Variants in GIGYF2 observed in about 807,000 individuals in gnomAD.
The protein encoded by GIGYF2 is GRB10 interacting GYF protein 2, also known as GRB10-interacting GYF protein 2.
A neutral mutation model predicts 208.1 loss-of-function variants in GIGYF2; 25 were observed. The ratio of observed to expected loss-of-function variants is 0.12; its 90% CI spans 0.09 to 0.17. The LOEUF is 0.17. Ranked by LOEUF, GIGYF2 falls within the 10% of genes least tolerant of loss-of-function variation. The probability of loss-of-function intolerance (pLI) is 1.00; values close to 1 mark genes in which losing one functional copy is unlikely to be tolerated. For synonymous variants in GIGYF2, 534 were observed against 543.8 expected (o/e 0.98, Z 0.25); for missense variants, 1,302 against 1,579.4 (o/e 0.82, Z 2.98).
At chr2:232,826,749 G>A (rs373009468) in intron 21 of GIGYF2, among the ~76,000 whole-genome samples, 1 of 152,134 alleles carries the variant, frequency 6.6e-6, no homozygotes, top group South Asian at 2.1e-4. Flanking sequence ...TTTGAAAGAA[G>A]TTCTACCCTA....
intron 14 of GIGYF2, among the ~76,000 whole-genome samples, chr2:232,801,065 A>C (rs1700383565): frequency 6.6e-6 from 1 of 152,052 alleles, no homozygotes; most frequent in Admixed American, 6.5e-5. Context: ...CCCATCTTTA[A>C]AAAGAAAAAA....
At chr2:232,710,206 GT>G (rs1696324608) in intron 2 of GIGYF2, among the ~76,000 whole-genome samples, 1 of 152,026 alleles carries the variant, frequency 6.6e-6, no homozygotes, top group Non-Finnish European at 1.5e-5. Context: ...TGATCCGTCT[GT>G]CTCGGCCTCC....
intron 3 of GIGYF2, among the ~76,000 whole-genome samples, chr2:232,742,842 A>G (rs1698020972): frequency 6.6e-6 from 1 of 152,120 alleles, no homozygotes. Flanking sequence ...TGGGCAGTGA[A>G]TGGGTTGGAT....
chr2:232,779,115 T>C (rs753008889), intron 8 of GIGYF2, among the ~76,000 whole-genome samples: 2 of 152,164 alleles, frequency 1.3e-5, no homozygotes, highest in Non-Finnish European at 2.9e-5. Context: ...ACAGATGATA[T>C]GCCACCTTCA....
intron 12 of GIGYF2, among the ~76,000 whole-genome samples, chr2:232,793,629 G>C (rs1574891759): frequency 6.6e-6 from 1 of 152,146 alleles, no homozygotes; most frequent in Admixed American, 6.5e-5. Context: ...AGGGACTGTA[G>C]CTAGATGGGA....
rs1167937347 is a variant in GIGYF2 at position 232,847,362 on chromosome 2, T to A, written c.3475T>A (p.Ser1159Thr). The A allele has an allele frequency of 6.2e-7, 1 of 1,612,400 alleles. No individual in the cohort carries two copies. Among genetic ancestry groups the A allele is most frequent in the Non-Finnish European group, 8.5e-7 (1 of 1,178,716 alleles). ...CCGTTTTGCAGTTCCCACATTTGTT[T>A]CTTTCCTGAAAGAAGTAGAATCTCC... Reference protein sequence around the residue: ...ANNLDVPTFVSFLKEVESPYE... With the variant: ...ANNLDVPTFVTFLKEVESPYE... Residue 1159 changes from serine to threonine, a missense_variant, in exon 27 of 29, where the codon TCT becomes ACT. Physicochemically the swap from Ser to Thr is moderately conservative, Grantham distance 58. Transcript: ENST00000373563.
intron 1 of GIGYF2, among the ~76,000 whole-genome samples, chr2:232,698,672 C>T (rs1425026702): frequency 6.6e-6 from 1 of 152,156 alleles, no homozygotes; most frequent in Non-Finnish European, 1.5e-5. Context: ...ATGTACTTGG[C>T]TTTTACATCA....
At chr2:232,777,215 G>A (rs534782889) in intron 8 of GIGYF2, among the ~76,000 whole-genome samples, 4 of 152,176 alleles carry the variant, frequency 2.6e-5, no homozygotes, top group South Asian at 2.1e-4. Flanking sequence ...GGAAAGAACC[G>A]AAGAATTTTC....
chr2:232,822,550 G>A (rs951961811), intron 21 of GIGYF2, among the ~76,000 whole-genome samples: 1 of 152,134 alleles, frequency 6.6e-6, no homozygotes, highest in African/African-American at 2.4e-5. Flanking sequence ...GCGTGGTGGC[G>A]TGCGCCTGTA....
intron 21 of GIGYF2, among the ~76,000 whole-genome samples, chr2:232,823,567 C>T (rs935880058): frequency 2.0e-5 from 3 of 151,920 alleles, no homozygotes; most frequent in Non-Finnish European, 4.4e-5. Context: ...GTTGCTCAGG[C>T]TGGTCTTGAA....
Position 232,790,963 on chromosome 2 carries a change from A to G in GIGYF2, c.931-45A>G, listed in dbSNP as rs1342700083. On this transcript the variant is annotated intron_variant, in intron 10 of 28. Coordinates refer to ENST00000373563, the MANE Select transcript of GIGYF2 (RefSeq NM_001103146.3). Reference sequence around the variant, plus strand: ...CATGACCAGCATTAACCTTATACCAAAGCCAAATCTGCTGTTGATCTTTGG... The same window carrying G: ...CATGACCAGCATTAACCTTATACCAGAGCCAAATCTGCTGTTGATCTTTGG... 1.9e-6 allele frequency: 3 copies of G among 1,613,094 alleles called. No individual in the cohort carries two copies. The Admixed American group carries it at 5.0e-5, about 27-fold the overall frequency.
intron 8 of GIGYF2, among the ~76,000 whole-genome samples, chr2:232,779,045 C>T (rs1699623268): frequency 6.6e-6 from 1 of 152,106 alleles, no homozygotes; most frequent in South Asian, 2.1e-4. Flanking sequence ...CATACCAAAG[C>T]AGTATATTTT....
chr2:232,743,334 A>T (rs1266366182), intron 3 of GIGYF2, among the ~76,000 whole-genome samples: 1 of 152,116 alleles, frequency 6.6e-6, no homozygotes, highest in African/African-American at 2.4e-5. Flanking sequence ...AAATGAGGAG[A>T]TATGTTTAGA....
chr2:232,758,249 T>C (rs1399738605), intron 6 of GIGYF2, among the ~76,000 whole-genome samples: 1 of 152,212 alleles, frequency 6.6e-6, no homozygotes, highest in Admixed American at 6.5e-5. Flanking sequence ...TTTGCAACTT[T>C]AGGAAACTTT....
At chr2:232,717,718 T>C (rs1696752782) in intron 2 of GIGYF2, among the ~76,000 whole-genome samples, 1 of 152,004 alleles carries the variant, frequency 6.6e-6, no homozygotes, top group South Asian at 2.1e-4. Flanking sequence ...GGAGCCAGTG[T>C]GTGTAGATCT....
At chr2:232,718,162 C>T (rs1696777562) in intron 2 of GIGYF2, among the ~76,000 whole-genome samples, 1 of 152,094 alleles carries the variant, frequency 6.6e-6, no homozygotes, top group South Asian at 2.1e-4. Flanking sequence ...TCTTGGCTCA[C>T]TGCAGCCTCA....
intron 8 of GIGYF2, among the ~76,000 whole-genome samples, chr2:232,762,898 T>G (rs1698804150): frequency 6.6e-6 from 1 of 152,012 alleles, no homozygotes; most frequent in Admixed American, 6.5e-5. Flanking sequence ...GTGCCTGTAG[T>G]CCCAGCTACT....
rs115543935 is a variant in GIGYF2, at chr2:232,712,652, A to G, written c.-44+9163A>G. 5.1e-3 allele frequency among the ~76,000 whole-genome samples: 782 copies of G among 152,316 alleles called. 4 individuals are homozygous for G. Among genetic ancestry groups the G allele is most frequent in the African/African-American group, 0.018 (757 of 41,566 alleles). Reference sequence around the variant, plus strand: ...GCAATAGAAGATTCTCAAACTAGCAAATGAGATCACAATAGTATTTTATAA... The same window carrying G: ...GCAATAGAAGATTCTCAAACTAGCAGATGAGATCACAATAGTATTTTATAA... On this transcript the variant is annotated intron_variant, in intron 2 of 28. Transcript: ENST00000373563.
chr2:232,842,664 A>G (rs1010382239), intron 23 of GIGYF2, among the ~76,000 whole-genome samples: 1 of 152,214 alleles, frequency 6.6e-6, no homozygotes, highest in Non-Finnish European at 1.5e-5. Context: ...AGGTTCTGGT[A>G]TGTACAGCAC....
Sources: allele counts gnomAD v4.1 joint callset (sites outside exome capture counted in the v4.1 genomes callset), GRCh38; gene constraint gnomAD v4.1.1; transcripts MANE v1.5; gene names NCBI Gene and HGNC (gene_info 2026-07-23, HGNC 2026-07-21).